PDE4C: variants seen among roughly 807,000 people sequenced by gnomAD.
PDE4C encodes 3',5'-cyclic-AMP phosphodiesterase 4C.
In PDE4C, 50 loss-of-function variants were observed where a neutral mutation model predicts 63.9. The ratio of observed to expected loss-of-function variants is 0.78; its 90% CI spans 0.62 to 0.99. PDE4C has a LOEUF of 0.99. PDE4C is among the 50% of genes least tolerant of loss of function. The pLI is 0.00. For synonymous variants in PDE4C, 377 were observed against 385.1 expected (o/e 0.98, Z 0.25); for missense variants, 777 against 899.1 (o/e 0.86, Z 1.74).
Position 18,218,255 on chromosome 19 carries a change from A to G in PDE4C, c.1135-7T>C. 6.2e-7 allele frequency: 1 copy of G among 1,614,090 alleles called. No homozygotes were observed. The highest frequency in any genetic ancestry group is 8.5e-7 in the Non-Finnish European group (1 of 1,179,900). On this transcript the variant is annotated splice_polypyrimidine_tract_variant and splice_region_variant and intron_variant, in intron 10 of 14. Coordinates refer to ENST00000262805, the Ensembl canonical transcript of PDE4C. The stretch of plus-strand genomic sequence containing the variant: ...CCAAGTCTGTGAACACAGCCTGAGC[A>G]GGCAGAGGGCACAGGCGGTGAGGGG...
At chr19:18,245,501 C>T (rs1253510073) in intron 1 of PDE4C, among the ~76,000 whole-genome samples, 1 of 152,134 alleles carries the variant, frequency 6.6e-6, no homozygotes, top group Non-Finnish European at 1.5e-5. Flanking sequence ...GGGGCCTTTG[C>T]ATGTGCTGTG....
upstream of PDE4C, among the ~76,000 whole-genome samples, chr19:18,229,711 G>C (rs1399039161): frequency 6.6e-6 from 1 of 151,998 alleles, no homozygotes. Context: ...GAGATGACTT[G>C]CCCAAGTCCC....
At position 18,218,326 on chromosome 19, in the gene PDE4C, C is replaced by T. The variant is rs201222956; in HGVS notation, c.1134+8G>A. On this transcript the variant is annotated splice_region_variant and intron_variant, in intron 10 of 14. Transcript: ENST00000262805. ...CCCGCCCACCTGCCTGCAGTCATGG[C>T]GCAGTACCTCGAGGGCGGGCGTAGC... 3.4e-5 allele frequency: 55 copies of T among 1,614,124 alleles called. No individual in the cohort carries two copies. Among genetic ancestry groups the T allele is most frequent in the Admixed American group, 1.3e-4 (8 of 60,022 alleles).
chr19:18,214,932 G>C lies in PDE4C; in HGVS notation c.1390-1442C>G, dbSNP rs566192339. Among the ~76,000 whole-genome samples the C allele has an allele frequency of 8.3e-5, 11 of 133,214 alleles. No homozygotes were observed. The South Asian group carries it at 2.4e-3, about 29-fold the overall frequency. The allele number at this position is 133,214 out of a possible 152,430, so 87.4% of individuals were successfully genotyped here. On this transcript the variant is annotated intron_variant, in intron 12 of 14. Transcript: ENST00000262805. ...CCATTGCACTCCAGCCTGAGTGACA[G>C]AGCAAGACTCCATTTCAAAAAAAAA... is the stretch of plus-strand genomic sequence containing the variant.
upstream of PDE4C, chr19:18,250,288 G>A (rs1329925236): frequency 5.0e-6 from 2 of 398,968 alleles, no homozygotes; most frequent in Non-Finnish European, 8.8e-6. Flanking sequence ...CCAGGGCTGA[G>A]CCCCCAGCCC....
upstream of PDE4C, among the ~76,000 whole-genome samples, chr19:18,249,605 G>T (rs1158594451): frequency 2.2e-5 from 3 of 137,226 alleles, no homozygotes; most frequent in Non-Finnish European, 4.6e-5. Context: ...ATGGAGTCTT[G>T]CTCTGTTGCC....
At chr19:18,221,051 C>CGCCAG in intron 4 of PDE4C, 54 bp downstream of exon 4, 41 of 1,300,822 alleles carry the variant, frequency 3.2e-5, no homozygotes, top group Non-Finnish European at 4.3e-5. Context: ...GCCCGCTTTC[C>CGCCAG]GCCCACCTTG....
chr19:18,227,700 C>T (rs1356716852), upstream of PDE4C, among the ~76,000 whole-genome samples: 1 of 152,168 alleles, frequency 6.6e-6, no homozygotes, highest in African/African-American at 2.4e-5. Context: ...GGGGACCTCC[C>T]AGCAACTGAG....
chr19:18,235,380 A>G (rs1328735288), upstream of PDE4C, among the ~76,000 whole-genome samples: 1 of 152,196 alleles, frequency 6.6e-6, no homozygotes, highest in Admixed American at 6.5e-5. Context: ...CATGTTGTCC[A>G]GGCTGGACTC....
intron 11 of PDE4C, 162 bp from the exon 12 acceptor site, chr19:18,217,057 G>T: frequency 1.4e-6 from 1 of 714,466 alleles, no homozygotes; most frequent in Non-Finnish European, 2.2e-6. Flanking sequence ...GCGCTTCCCT[G>T]ACTGCAGGGC....
At chr19:18,238,461 C>T (rs576655556), upstream of PDE4C, among the ~76,000 whole-genome samples, 69 of 151,846 alleles carry the variant, frequency 4.5e-4, no homozygotes, top group African/African-American at 1.6e-3. Flanking sequence ...TGGTCTCGAA[C>T]TCCTGACCTC....
At chr19:18,250,692 T>C (rs1161425484), upstream of PDE4C, among the ~76,000 whole-genome samples, 1 of 151,330 alleles carries the variant, frequency 6.6e-6, no homozygotes, top group Non-Finnish European at 1.5e-5. Context: ...CTGCAGCCTC[T>C]ATCTCCTGGG....
Position 18,220,928 on chromosome 19 carries a change from G to T in PDE4C, c.450-5C>A, listed in dbSNP as rs889601186. 9 of 1,601,510 alleles carry T rather than the reference G, an allele frequency of 5.6e-6. No individual in the cohort carries two copies. The highest frequency in any genetic ancestry group is 7.7e-6 in the Non-Finnish European group (9 of 1,175,684). On this transcript the variant is annotated splice_polypyrimidine_tract_variant and splice_region_variant and intron_variant, in intron 4 of 14. Transcript: ENST00000262805. This position sits in a 1 kb window ranked among gnomAD's most constrained non-coding sequence, Gnocchi z 5.1. ...GGGTTTCCGACGGGTCCCTGCCTGC[G>T]GTACAGCAGCCTCAGGCGTGGCTGC...
intron 1 of PDE4C, among the ~76,000 whole-genome samples, chr19:18,247,869 G>A (rs1204382853): frequency 6.6e-6 from 1 of 152,184 alleles, no homozygotes; most frequent in Non-Finnish European, 1.5e-5. Flanking sequence ...AAGGTGGCAT[G>A]GACCACACCA....
At chr19:18,248,802 A>G (rs1380867575), upstream of PDE4C, among the ~76,000 whole-genome samples, 3 of 145,860 alleles carry the variant, frequency 2.1e-5, no homozygotes, top group Admixed American at 2.1e-4. Context: ...AGGCGGGTGG[A>G]TCACGAGATC....
upstream of PDE4C, chr19:18,252,109 C>T (rs1437631267): frequency 1.3e-5 from 5 of 399,018 alleles, no homozygotes; most frequent in Non-Finnish European, 1.8e-5. Context: ...GTCAAGGGCT[C>T]CGTTCCGGGG....
chr19:18,247,257 G>T (rs571427267), intron 1 of PDE4C, among the ~76,000 whole-genome samples: 52 of 152,270 alleles, frequency 3.4e-4, no homozygotes, highest in Admixed American at 2.0e-3. Flanking sequence ...GGCCTCAGTG[G>T]GCCCCTGTGA....
At chr19:18,243,692 C>T (rs1456290597) in intron 1 of PDE4C, among the ~76,000 whole-genome samples, 5 of 152,114 alleles carry the variant, frequency 3.3e-5, no homozygotes, top group Non-Finnish European at 5.9e-5. Flanking sequence ...TGGTCAGATG[C>T]GGGGGTGCTC....
upstream of PDE4C, among the ~76,000 whole-genome samples, chr19:18,228,943 T>A (rs1404227884): frequency 6.6e-6 from 1 of 152,058 alleles, no homozygotes; most frequent in Non-Finnish European, 1.5e-5. Context: ...CATATTATTA[T>A]TATTTTTTGA....
Sources: gnomAD v4.1 joint callset for allele counts (sites outside exome capture counted in the v4.1 genomes callset) on GRCh38, gnomAD v4.1.1 for gene constraint, Gnocchi (gnomAD v3.1) non-coding constraint, MANE v1.5 for transcripts, NCBI Gene and HGNC (gene_info 2026-07-23, HGNC 2026-07-21) for gene names.